Variants in CNOT1 observed in about 807,000 individuals in gnomAD.
CNOT1 encodes the protein CCR4-NOT transcription complex subunit 1.
In CNOT1, 15 loss-of-function variants were observed where a neutral mutation model predicts 273.8. That is an observed-to-expected ratio of 0.05 (90% CI 0.04 to 0.08). The LOEUF (loss-of-function observed/expected upper bound fraction) is 0.08. Among genes scored for constraint, CNOT1 ranks in the 10% least tolerant of loss-of-function variants. The probability of loss-of-function intolerance (pLI) is 1.00; values close to 1 mark genes in which losing one functional copy is unlikely to be tolerated. For synonymous variants in CNOT1, 1,022 were observed against 1,005.5 expected, an observed-to-expected ratio of 1.02 and a Z score of -0.31; for missense variants, 1,644 against 2,912.2, an observed-to-expected ratio of 0.56 and a Z score of 10.02.
Position 58,587,171 on chromosome 16 carries a change from T to G in CNOT1, c.433+30A>C, listed in dbSNP as rs202059966. 2.2e-4 allele frequency: 347 copies of G among 1,608,788 alleles called. No individual in the cohort carries two copies. In the African/African-American group the frequency reaches 3.6e-3, roughly 17 times the overall value. The stretch of plus-strand genomic sequence containing the variant: ...AAACCCACGTATTTTAAAGTCTCAC[T>G]TCGTGATATTTTTGGAAAAAGTAAC... On this transcript the variant is annotated intron_variant, in intron 6 of 48. Transcript: ENST00000317147.
Position 58,553,930 on chromosome 16 carries a change from C to A in CNOT1, c.2892-70G>T. 16 of 1,500,048 alleles carry A rather than the reference C, an allele frequency of 1.1e-5. 1 individual carries two copies. In the South Asian group the frequency reaches 2.1e-4, roughly 20 times the overall value. 92.9% of individuals were successfully genotyped at this position (1,500,048 alleles called of 1,614,324 possible). ...GCATCACTAACAAAATGTTTTTGTC[C>A]AAATGCTAATCTAGGTCATTTTTTT... On this transcript the variant is annotated intron_variant, in intron 21 of 48. Coordinates refer to ENST00000317147, the MANE Select transcript of CNOT1 (RefSeq NM_016284.5).
Position 58,628,849 on chromosome 16 carries a change from C to G in CNOT1, c.-175+879G>C, listed in dbSNP as rs537716774. On this transcript the variant is annotated intron_variant, in intron 1 of 48. Transcript: ENST00000317147. ...AGCTTACTCCTCGGGGAGTTAGTAT[C>G]TGTGAGCCCTCTTGGGTGAATTCTG... Among the ~76,000 whole-genome samples the G allele has an allele frequency of 5.9e-5, 9 of 152,362 alleles. No individual in the cohort carries two copies. The East Asian group carries it at 9.6e-4, about 16-fold the overall frequency.
At chr16:58,552,905 A>G (rs952761397) in intron 22 of CNOT1, among the ~76,000 whole-genome samples, 26 of 152,238 alleles carry the variant, frequency 1.7e-4, no homozygotes, top group African/African-American at 6.3e-4. Flanking sequence ...TTTCAGTAAT[A>G]ATAACAATCA....
intron 2 of CNOT1, among the ~76,000 whole-genome samples, chr16:58,592,506 A>G (rs537650834): frequency 6.6e-6 from 1 of 152,294 alleles, no homozygotes; most frequent in South Asian, 2.1e-4. Context: ...TGAGGCCAGG[A>G]GCTGGAGGTT....
intron 17 of CNOT1, among the ~76,000 whole-genome samples, chr16:58,559,185 C>T (rs979935607): frequency 6.6e-6 from 1 of 152,090 alleles, no homozygotes; most frequent in Non-Finnish European, 1.5e-5. Flanking sequence ...CTACTTGTGG[C>T]GTGTCATGTC....
chr16:58,610,359 T>C (rs1032923055), intron 1 of CNOT1, among the ~76,000 whole-genome samples: 4 of 152,038 alleles, frequency 2.6e-5, no homozygotes, highest in Non-Finnish European at 5.9e-5. Context: ...TGAGCTGAGA[T>C]CACACCAATG....
chr16:58,599,184 C>T (rs2042379052), intron 2 of CNOT1, 52 bp downstream of exon 2: 1 of 1,609,098 alleles, frequency 6.2e-7, no homozygotes, highest in Non-Finnish European at 8.5e-7. Flanking sequence ...GTTTTCTTTC[C>T]ACTGTCTACT....
At chr16:58,628,081 G>A (rs925203853) in intron 1 of CNOT1, among the ~76,000 whole-genome samples, 3 of 152,136 alleles carry the variant, frequency 2.0e-5, no homozygotes, top group Non-Finnish European at 4.4e-5. Context: ...ACCTACCTTG[G>A]CCTCCCTAAG....
chr16:58,524,607 C>T (rs573555220), intron 46 of CNOT1, among the ~76,000 whole-genome samples: 1 of 152,148 alleles, frequency 6.6e-6, no homozygotes, highest in East Asian at 1.9e-4. Flanking sequence ...AGAGTAGTGT[C>T]CCCCTAAAAT....
chr16:58,550,774 G>C (rs780945343), intron 24 of CNOT1, among the ~76,000 whole-genome samples: 1 of 152,092 alleles, frequency 6.6e-6, no homozygotes, highest in South Asian at 2.1e-4. Flanking sequence ...TAATCTGAGG[G>C]GCAAGTAGCA....
chr16:58,585,809 C>T (rs2041813460), intron 7 of CNOT1, among the ~76,000 whole-genome samples: 1 of 152,120 alleles, frequency 6.6e-6, no homozygotes, highest in African/African-American at 2.4e-5. Flanking sequence ...CTATCACTTC[C>T]CATACAAAGA....
At chr16:58,549,667 T>A in intron 25 of CNOT1, 52 bp downstream of exon 25, 1 of 1,546,456 alleles carries the variant, frequency 6.5e-7, no homozygotes, top group East Asian at 2.3e-5. Flanking sequence ...TATAATCAAA[T>A]ATTTCCAAAT....
intron 42 of CNOT1, among the ~76,000 whole-genome samples, chr16:58,531,173 A>G (rs532963519): frequency 1.8e-4 from 28 of 152,228 alleles, no homozygotes; most frequent in Non-Finnish European, 2.8e-4. Flanking sequence ...TAATTCTTGG[A>G]TAATTGCATT....
chr16:58,546,790 C>T, intron 27 of CNOT1, 41 bp from the exon 28 acceptor site: 1 of 1,611,498 alleles, frequency 6.2e-7, no homozygotes, highest in Non-Finnish European at 8.5e-7. Flanking sequence ...CAAAATGTGC[C>T]CTTTAATTTG....
chr16:58,555,222 G>A (rs774457843), intron 21 of CNOT1, 29 bp downstream of exon 21: 13 of 1,609,332 alleles, frequency 8.1e-6, no homozygotes, highest in Non-Finnish European at 1.1e-5. Flanking sequence ...TCAGGGAAGA[G>A]ATCCTTCACA....
In CNOT1 at chr16:58,585,323, C is replaced by T. The variant is rs1426529180; in HGVS notation, c.806+15G>A. On this transcript the variant is annotated intron_variant, in intron 8 of 48. Coordinates refer to ENST00000317147, the MANE Select transcript of CNOT1 (RefSeq NM_016284.5). The stretch of plus-strand genomic sequence containing the variant: ...CACAAGAATAATCAGAAGCTTAACA[C>T]ATTTTACTACCAACCTTGCACAAAA... 1.2e-6 allele frequency: 2 copies of T among 1,613,322 alleles called. No individual in the cohort carries two copies. Among genetic ancestry groups the T allele is most frequent in the Non-Finnish European group, 1.7e-6 (2 of 1,179,866 alleles).
In CNOT1 at chr16:58,588,788, G is replaced by A; in HGVS notation, c.210+11C>T. 6.2e-7 allele frequency: 1 copy of A among 1,612,414 alleles called. No individual in the cohort carries two copies. The highest frequency in any genetic ancestry group is 8.5e-7 in the Non-Finnish European group (1 of 1,179,270). ...AGCTAAGTGGACATGAACTCTGTAA[G>A]CCCCAAATACCTGATGGAAATCTTT... On this transcript the variant is annotated intron_variant, in intron 3 of 48. Transcript: ENST00000317147.
At chr16:58,582,181 A>T (rs1223490063) in intron 10 of CNOT1, among the ~76,000 whole-genome samples, 1 of 151,862 alleles carries the variant, frequency 6.6e-6, no homozygotes, top group Non-Finnish European at 1.5e-5. Context: ...AGACCGAGCT[A>T]CTTGGGAGGC....
At chr16:58,543,153 T>C (rs1597426788) in intron 31 of CNOT1, 2 of 1,389,786 alleles carry the variant, frequency 1.4e-6, no homozygotes. Context: ...AGTAAACAAA[T>C]TATTAATCAT....
Sources: allele counts gnomAD v4.1 joint callset (sites outside exome capture counted in the v4.1 genomes callset), GRCh38; gene constraint gnomAD v4.1.1; transcripts MANE v1.5; gene names NCBI Gene and HGNC (gene_info 2026-07-23, HGNC 2026-07-21).